Variants in SNTG1 observed in about 807,000 individuals in gnomAD.
The protein encoded by SNTG1 is syntrophin gamma 1.
SNTG1 carries 39 observed loss-of-function variants against 74.7 expected under a neutral mutation model. The ratio of observed to expected loss-of-function variants is 0.52; its 90% CI spans 0.40 to 0.68. The LOEUF (loss-of-function observed/expected upper bound fraction) is 0.68, where lower values mean the gene tolerates loss of function less well. Among genes scored for constraint, SNTG1 ranks in the 30% least tolerant of loss-of-function variants. The pLI, the probability that SNTG1 is intolerant of heterozygous loss-of-function variation, is 0.00. For synonymous variants in SNTG1, 254 were observed against 217.1 expected, an observed-to-expected ratio of 1.17 and a Z score of -1.49; for missense variants, 685 against 609.5, an observed-to-expected ratio of 1.12 and a Z score of -1.30.
chr8:50,138,412 G>A (rs905920066), intron 1 of SNTG1, among the ~76,000 whole-genome samples: 1 of 151,716 alleles, frequency 6.6e-6, no homozygotes, highest in Non-Finnish European at 1.5e-5. Context: ...GAGGTCAGGA[G>A]TTCAATACCA....
At chr8:50,657,860 G>T (rs988734484) in intron 14 of SNTG1, among the ~76,000 whole-genome samples, 2 of 151,996 alleles carry the variant, frequency 1.3e-5, no homozygotes, top group African/African-American at 4.8e-5. Context: ...TTGGAAACAT[G>T]TACCTTGCAG....
intron 2 of SNTG1, among the ~76,000 whole-genome samples, chr8:50,234,087 C>G (rs2085770704): frequency 6.6e-6 from 1 of 151,846 alleles, no homozygotes. Context: ...CATGCTTACA[C>G]AAGATCCATA....
intron 1 of SNTG1, among the ~76,000 whole-genome samples, chr8:50,030,474 A>G (rs1292007801): frequency 1.3e-5 from 2 of 152,066 alleles, no homozygotes; most frequent in Non-Finnish European, 2.9e-5. Context: ...TGTATAGTTG[A>G]AAATTTTACA....
intron 11 of SNTG1, among the ~76,000 whole-genome samples, chr8:50,546,002 G>T (rs927132651): frequency 6.6e-6 from 1 of 152,070 alleles, no homozygotes; most frequent in South Asian, 2.1e-4. Context: ...ATATTTTGGG[G>T]GATCTGAGGA....
intron 13 of SNTG1, among the ~76,000 whole-genome samples, chr8:50,626,764 A>G (rs1391440158): frequency 6.6e-6 from 1 of 152,132 alleles, no homozygotes; most frequent in Non-Finnish European, 1.5e-5. Context: ...CACAACCTTC[A>G]GCGTGGGTGT....
rs1374334764 is a variant in SNTG1 at position 50,273,861 on chromosome 8, G to A, written c.-28+101226G>A. Among the ~76,000 whole-genome samples the A allele has an allele frequency of 8.5e-5, 13 of 152,092 alleles. No homozygotes were observed. The East Asian group carries it at 2.5e-3, about 29-fold the overall frequency. On this transcript the variant is annotated intron_variant, in intron 2 of 18. Transcript: ENST00000642720. ...AGAGAAAAGTCAGATATTTAATGGAGGATGTCCTGGAATGGCAGTATGAAA... is the reference window on the plus strand; with the variant it reads ...AGAGAAAAGTCAGATATTTAATGGAAGATGTCCTGGAATGGCAGTATGAAA...
chr8:50,460,444 C>T (rs1476219116), intron 8 of SNTG1, among the ~76,000 whole-genome samples: 3 of 152,158 alleles, frequency 2.0e-5, no homozygotes, highest in African/African-American at 7.2e-5. Flanking sequence ...TGTATGTATA[C>T]TCTTTTGATG....
At chr8:50,423,985 G>A (rs950562736) in intron 4 of SNTG1, among the ~76,000 whole-genome samples, 70 of 152,170 alleles carry the variant, frequency 4.6e-4, no homozygotes, top group Non-Finnish European at 2.9e-4. Context: ...TCTAAAGATG[G>A]AGAGACTGAT....
At chr8:49,933,599 A>T (rs1321355741) in intron 1 of SNTG1, among the ~76,000 whole-genome samples, 2 of 152,178 alleles carry the variant, frequency 1.3e-5, no homozygotes, top group Non-Finnish European at 2.9e-5. Flanking sequence ...CATTTGTTTA[A>T]GAAGCTGTTC....
chr8:50,792,618 T>G (rs1317367690), intron 18 of SNTG1, 53 bp from the exon 19 acceptor site: 1 of 1,522,398 alleles, frequency 6.6e-7, no homozygotes, highest in South Asian at 1.3e-5. Flanking sequence ...TATTATAAAT[T>G]TTTAAAGACA....
intron 13 of SNTG1, among the ~76,000 whole-genome samples, chr8:50,642,232 C>T (rs1297066206): frequency 1.3e-5 from 2 of 152,170 alleles, no homozygotes; most frequent in Admixed American, 6.6e-5. Context: ...AGTTAAACTA[C>T]TCTCTAAAGC....
chr8:50,002,361 G>T (rs1159325332), intron 1 of SNTG1, among the ~76,000 whole-genome samples: 5 of 151,754 alleles, frequency 3.3e-5, no homozygotes, highest in Admixed American at 2.6e-4. Context: ...GATAAGAGTG[G>T]TATCTCTTAT....
chr8:50,315,451 G>A (rs185546216), intron 2 of SNTG1, among the ~76,000 whole-genome samples: 1,684 of 149,912 alleles, frequency 0.011, 35 homozygotes, highest in Non-Finnish European at 0.016. Flanking sequence ...AAAAATAACT[G>A]TATTGATCAT....
At chr8:50,470,634 C>T (rs1444427422) in intron 8 of SNTG1, among the ~76,000 whole-genome samples, 3 of 152,150 alleles carry the variant, frequency 2.0e-5, no homozygotes, top group Non-Finnish European at 4.4e-5. Flanking sequence ...AGTGTTACAG[C>T]TCTTAAATGT....
chr8:50,568,157 T>A (rs1235936818), intron 12 of SNTG1, among the ~76,000 whole-genome samples: 2 of 151,998 alleles, frequency 1.3e-5, no homozygotes, highest in African/African-American at 2.4e-5. Flanking sequence ...TCCTTCAGGT[T>A]CATCCATGTT....
intron 18 of SNTG1, among the ~76,000 whole-genome samples, chr8:50,756,341 C>G (rs2095580428): frequency 6.6e-6 from 1 of 151,752 alleles, no homozygotes; most frequent in Admixed American, 6.6e-5. Flanking sequence ...TGAAGGTCAT[C>G]TAGACTTTGT....
intron 1 of SNTG1, among the ~76,000 whole-genome samples, chr8:50,096,010 C>T (rs1397650175): frequency 1.3e-5 from 2 of 151,818 alleles, no homozygotes; most frequent in African/African-American, 2.4e-5. Flanking sequence ...GAATGACAAA[C>T]ATTTTTAAGG....
intron 1 of SNTG1, among the ~76,000 whole-genome samples, chr8:50,103,018 G>C (rs1411082768): frequency 6.6e-6 from 1 of 151,684 alleles, no homozygotes; most frequent in East Asian, 1.9e-4. Context: ...TGTTCTTTTG[G>C]CTTAGGATTG....
Position 50,122,488 on chromosome 8 carries a change from C to T in SNTG1, c.-102-50073C>T, listed in dbSNP as rs2081029535. Among the ~76,000 whole-genome samples, 3 of 141,358 alleles carry T rather than the reference C, an allele frequency of 2.1e-5. 1 individual carries two copies. The highest frequency in any genetic ancestry group is 7.7e-5 in the African/African-American group (3 of 39,074). The allele number at this position is 141,358 out of a possible 152,430, so 92.7% of individuals were successfully genotyped here. A position where few individuals can be genotyped will look rare whatever the true frequency, so the allele number is the denominator to read the frequency against. Reference sequence around the variant, plus strand: ...AAAAAAGCTGTGACTGCACTCAGCCCTTTGGACCTCATCTTCAAGGCTATT... The same window carrying T: ...AAAAAAGCTGTGACTGCACTCAGCCTTTTGGACCTCATCTTCAAGGCTATT... On this transcript the variant is annotated intron_variant, in intron 1 of 18. Coordinates refer to ENST00000642720, the MANE Select transcript of SNTG1 (RefSeq NM_018967.5).
Sources: allele counts gnomAD v4.1 joint callset (sites outside exome capture counted in the v4.1 genomes callset), GRCh38; gene constraint gnomAD v4.1.1; transcripts MANE v1.5; gene names NCBI Gene and HGNC (gene_info 2026-07-23, HGNC 2026-07-21).